The following CNN3 variants were observed in gnomAD, a reference collection of about 807,000 sequenced individuals.
CNN3 encodes the protein calponin 3, also known as calponin-3.
CNN3 carries 11 observed loss-of-function variants against 39.0 expected under a neutral mutation model. The observed-to-expected ratio is 0.28, with a 90% CI of 0.18 to 0.47. The LOEUF (loss-of-function observed/expected upper bound fraction) is 0.47. Among genes scored for constraint, CNN3 ranks in the 20% least tolerant of loss-of-function variants. CNN3 has a pLI of 0.99. For synonymous variants in CNN3, 101 were observed against 138.3 expected (o/e 0.73, Z 1.89); for missense variants, 266 against 403.4 (o/e 0.66, Z 2.92).
Position 94,926,419 on chromosome 1 carries a change from G to A in CNN3, c.57+419C>T, listed in dbSNP as rs1029152891. On this transcript the variant is annotated intron_variant, in intron 1 of 6. Coordinates refer to ENST00000370206, the MANE Select transcript of CNN3 (RefSeq NM_001839.5). This position sits in a 1 kb window ranked among gnomAD's most constrained non-coding sequence, Gnocchi z 4.2. ...CACCCGGGGCCCGGGCAGATGGCGG[G>A]GGCTGCGGCAGCGGCTCGCCGGGTC... Among the ~76,000 whole-genome samples the A allele has an allele frequency of 6.6e-6, 1 of 152,310 alleles. No individual in the cohort carries two copies. The highest frequency in any genetic ancestry group is 2.1e-4 in the South Asian group (1 of 4,828).
At chr1:94,912,069 A>C (rs923905295) in intron 1 of CNN3, among the ~76,000 whole-genome samples, 3 of 151,980 alleles carry the variant, frequency 2.0e-5, no homozygotes, top group Non-Finnish European at 4.4e-5. Context: ...TCCATCTCAA[A>C]AAAAAAAATT....
chr1:94,926,745 GC>G lies in CNN3; in HGVS notation c.57+92del. ...CGGCCCCTCTCCAGGAAAACGGTGAGCCACAGCGCGAAGAGCAAACGAAGCA... is the reference window on the plus strand; with the variant it reads ...CGGCCCCTCTCCAGGAAAACGGTGAGCACAGCGCGAAGAGCAAACGAAGCA... On this transcript the variant is annotated intron_variant, in intron 1 of 6. Transcript: ENST00000370206. This position sits in a 1 kb window ranked among gnomAD's most constrained non-coding sequence, Gnocchi z 4.2. The G allele has an allele frequency of 7.3e-7, 1 of 1,374,196 alleles. No individual in the cohort carries two copies. 85.1% of individuals were successfully genotyped at this position (1,374,196 alleles called of 1,614,324 possible).
intron 5 of CNN3, 115 bp downstream of exon 5, chr1:94,901,554 C>G (rs1392406491): frequency 2.5e-5 from 2 of 80,446 alleles, no homozygotes; most frequent in Admixed American, 3.5e-4. Context: ...TAAACTACAC[C>G]CCCCCCCCAG....
At chr1:94,920,470 A>C (rs1471667731) in intron 1 of CNN3, among the ~76,000 whole-genome samples, 2 of 152,200 alleles carry the variant, frequency 1.3e-5, no homozygotes, top group East Asian at 3.8e-4. Context: ...TTAGCAGAGA[A>C]CCAGTCAGCA....
intron 5 of CNN3, among the ~76,000 whole-genome samples, chr1:94,901,454 G>A (rs1670866528): frequency 6.7e-6 from 1 of 148,512 alleles, no homozygotes; most frequent in Non-Finnish European, 1.5e-5. Flanking sequence ...GTTTCCTGGA[G>A]AAATAATTGT....
At position 94,926,022 on chromosome 1, in the gene CNN3, A is replaced by G. The variant is rs1458072355; in HGVS notation, c.57+816T>C. On this transcript the variant is annotated intron_variant, in intron 1 of 6. Transcript: ENST00000370206. The surrounding 1 kb of genome is among the most constrained non-coding windows in gnomAD (Gnocchi z 4.2). The stretch of plus-strand genomic sequence containing the variant: ...AACGCATTCTTGGGCTCAGTGGCAA[A>G]GCTGAGCGTCACCAAATCCCAATCG... Among the ~76,000 whole-genome samples, 2 of 152,162 alleles carry G rather than the reference A, an allele frequency of 1.3e-5. No homozygotes were observed. The highest frequency in any genetic ancestry group is 2.4e-5 in the African/African-American group (1 of 41,434).
At chr1:94,920,761 G>C (rs1671421364) in intron 1 of CNN3, among the ~76,000 whole-genome samples, 1 of 152,148 alleles carries the variant, frequency 6.6e-6, no homozygotes, top group Non-Finnish European at 1.5e-5. Flanking sequence ...GTATGGAGAA[G>C]TCTTCAAGTT....
intron 1 of CNN3, among the ~76,000 whole-genome samples, chr1:94,912,122 A>T (rs77369148): frequency 0.085 from 12,987 of 152,244 alleles, 595 homozygotes; most frequent in East Asian, 0.13. Context: ...TGCCTAAAGC[A>T]AAGAGTATAA....
Position 94,897,665 on chromosome 1 carries a change from TA to T in CNN3, c.*76del. 1 of 1,332,740 alleles carries T rather than the reference TA, an allele frequency of 7.5e-7. No homozygotes were observed. The highest frequency in any genetic ancestry group is 1.0e-6 in the Non-Finnish European group (1 of 957,662). 82.6% of individuals were successfully genotyped at this position (1,332,740 alleles called of 1,614,324 possible). The stretch of plus-strand genomic sequence containing the variant: ...TTAATAGTGTTTTAGGAAGACAAGA[TA>T]AAAATTACTCAAGGCTAGCTTGGTT... On this transcript the variant is annotated 3_prime_UTR_variant, in exon 7 of 7. Transcript: ENST00000370206.
intron 1 of CNN3, among the ~76,000 whole-genome samples, chr1:94,921,061 G>C (rs1405994941): frequency 6.6e-6 from 1 of 152,194 alleles, no homozygotes; most frequent in Non-Finnish European, 1.5e-5. Context: ...CAAATTCTAA[G>C]GACAAGCTTT....
At chr1:94,901,609 G>A in intron 5 of CNN3, 60 bp downstream of exon 5, 1 of 1,173,742 alleles carries the variant, frequency 8.5e-7, no homozygotes, top group South Asian at 1.3e-5. Flanking sequence ...TTAATATTTT[G>A]CATGGTGAGA....
chr1:94,905,969 G>A (rs2101723323), intron 1 of CNN3, among the ~76,000 whole-genome samples: 1 of 152,094 alleles, frequency 6.6e-6, no homozygotes, highest in African/African-American at 2.4e-5. Flanking sequence ...AACAAAAATT[G>A]GCAGACACAT....
intron 1 of CNN3, among the ~76,000 whole-genome samples, chr1:94,918,280 G>C (rs914640832): frequency 1.3e-5 from 2 of 152,008 alleles, no homozygotes; most frequent in Non-Finnish European, 2.9e-5. Context: ...ATCACCTGAG[G>C]TCAGAAGTTC....
At chr1:94,898,301 A>G (rs907133013) in intron 6 of CNN3, among the ~76,000 whole-genome samples, 1 of 152,146 alleles carries the variant, frequency 6.6e-6, no homozygotes, top group Non-Finnish European at 1.5e-5. Context: ...CTTTCTTCAA[A>G]ATCCTTGCTC....
At chr1:94,922,938 C>T (rs1180283932) in intron 1 of CNN3, among the ~76,000 whole-genome samples, 1 of 152,176 alleles carries the variant, frequency 6.6e-6, no homozygotes, top group East Asian at 1.9e-4. Flanking sequence ...GGGCAGAAGA[C>T]TGGAAGAATG....
Position 94,903,477 on chromosome 1 carries a change from C to T in CNN3, c.105G>A (p.Trp35Ter). ...TGCTCATGCCTGTCACCTCTTCTAT[C>T]CAATTGCGAAGATCTTCTTCTGCCT... Reference protein sequence around the residue: ...DHQAEEDLRNWIEEVTGMSIG... With the variant: ...DHQAEEDLRN Residue 35 changes from tryptophan to a stop codon, truncating the protein, a stop_gained, in exon 2 of 7, where the codon TGG becomes TGA. Transcript: ENST00000370206. LOFTEE classifies it high-confidence loss of function. 6.2e-7 allele frequency: 1 copy of T among 1,613,762 alleles called. No homozygotes were observed. The highest frequency in any genetic ancestry group is 8.5e-7 in the Non-Finnish European group (1 of 1,179,850).
At position 94,903,428 on chromosome 1, in the gene CNN3, A is replaced by C; in HGVS notation, c.154T>G (p.Leu52Val). The change falls in exon 2 of 7, where the codon TTA becomes GTA. Residue 52 changes from leucine (L) to valine (V), a missense_variant. Leu to Val is a conservative substitution (Grantham distance 32). Transcript: ENST00000370206. ...MSIGPNFQLG[L>V]KDGIILCELI... Reference sequence around the variant, plus strand: ...TCGCAGAGGATGATGCCATCCTTTAAGCCCAGCTGGAAGTTGGGGCCAATG... The same window carrying C: ...TCGCAGAGGATGATGCCATCCTTTACGCCCAGCTGGAAGTTGGGGCCAATG... The C allele has an allele frequency of 6.2e-7, 1 of 1,606,948 alleles. No individual in the cohort carries two copies. The highest frequency in any genetic ancestry group is 8.5e-7 in the Non-Finnish European group (1 of 1,177,182).
chr1:94,901,983 G>T, intron 4 of CNN3, 138 bp downstream of exon 4: 1 of 793,438 alleles, frequency 1.3e-6, no homozygotes, highest in Non-Finnish European at 2.1e-6. Flanking sequence ...GATGTCAGCA[G>T]CCTTTCCACA....
At chr1:94,925,908 A>C in intron 1 of CNN3, 1 of 761,842 alleles carries the variant, frequency 1.3e-6, no homozygotes, top group Non-Finnish European at 1.6e-6. Context: ...ATGGGCTTGG[A>C]ATGCAGGGAG....
Sources: gnomAD v4.1 joint callset for allele counts (sites outside exome capture counted in the v4.1 genomes callset) on GRCh38, gnomAD v4.1.1 for gene constraint, Gnocchi (gnomAD v3.1) non-coding constraint, MANE v1.5 for transcripts, NCBI Gene and HGNC (gene_info 2026-07-23, HGNC 2026-07-21) for gene names.